The following SYT10 variants were observed in gnomAD, a reference collection of about 807,000 sequenced individuals.
The protein encoded by SYT10 is synaptotagmin 10, also known as synaptotagmin-10.
SYT10 carries 31 observed loss-of-function variants against 51.1 expected under a neutral mutation model. That is an observed-to-expected ratio of 0.61 (90% confidence interval 0.46 to 0.82). SYT10 has a LOEUF of 0.82. SYT10 is among the 40% of genes least tolerant of loss of function. SYT10 has a pLI of 0.00. For missense variants in SYT10, 603 were observed against 634.0 expected (o/e 0.95, Z 0.53); for synonymous variants, 233 against 225.9 (o/e 1.03, Z -0.28).
chr12:33,410,470 A>G (rs1300219851), intron 2 of SYT10, among the ~76,000 whole-genome samples: 2 of 152,228 alleles, frequency 1.3e-5, no homozygotes, highest in Non-Finnish European at 2.9e-5. Flanking sequence ...TGAGAGTATC[A>G]GTAGCTCTGC....
rs987066735 is a variant in SYT10 at position 33,374,350 on chromosome 12, A to G, written c.*2480T>C. Reference sequence around the variant, plus strand: ...TTCATAATGTGTCAGTACTGTCATTAAAATGTGATGTCCCACACAAATAAG... The same window carrying G: ...TTCATAATGTGTCAGTACTGTCATTGAAATGTGATGTCCCACACAAATAAG... On this transcript the variant is annotated 3_prime_UTR_variant, in exon 7 of 7. Transcript: ENST00000228567. The G allele has an allele frequency of 1.3e-5, 2 of 151,790 alleles. No individual in the cohort carries two copies. The highest frequency in any genetic ancestry group is 4.8e-5 in the African/African-American group (2 of 41,366). The allele number at this position is 151,790 out of a possible 1,614,324, so 9.4% of individuals were successfully genotyped here.
chr12:33,429,396 A>G (rs922179288), intron 1 of SYT10, among the ~76,000 whole-genome samples: 6 of 152,256 alleles, frequency 3.9e-5, no homozygotes, highest in Non-Finnish European at 5.9e-5. Flanking sequence ...GTTTGAAATA[A>G]GAACTATAGA....
In SYT10 at chr12:33,376,441, A is replaced by T. The variant is rs557217990; in HGVS notation, c.*389T>A. 1.1e-5 allele frequency: 2 copies of T among 178,094 alleles called. No homozygotes were observed. Among genetic ancestry groups the T allele is most frequent in the South Asian group, 1.4e-4 (1 of 7,082 alleles). 11.0% of individuals were successfully genotyped at this position (178,094 alleles called of 1,614,324 possible). ...CTGCACAACTAGAAATGAACACAGTATAACAAAATCAAACCCATACATATA... is the reference window on the plus strand; with the variant it reads ...CTGCACAACTAGAAATGAACACAGTTTAACAAAATCAAACCCATACATATA... On this transcript the variant is annotated 3_prime_UTR_variant, in exon 7 of 7. Coordinates refer to ENST00000228567, the MANE Select transcript of SYT10 (RefSeq NM_198992.4).
Position 33,430,204 on chromosome 12 carries a change from C to G in SYT10, c.152-3709G>C, listed in dbSNP as rs116032349. On this transcript the variant is annotated intron_variant, in intron 1 of 6. Transcript: ENST00000228567. Reference sequence around the variant, plus strand: ...ACTGTCTATATGTCTGTCGGTCTGTCTGACTATATATCTCTAACTAATTTT... The same window carrying G: ...ACTGTCTATATGTCTGTCGGTCTGTGTGACTATATATCTCTAACTAATTTT... 6.5e-3 allele frequency among the ~76,000 whole-genome samples: 996 copies of G among 152,318 alleles called. 10 individuals carry two copies. The highest frequency in any genetic ancestry group is 0.022 in the African/African-American group (917 of 41,562).
intron 6 of SYT10, among the ~76,000 whole-genome samples, chr12:33,379,589 C>T (rs1485890573): frequency 7.3e-5 from 7 of 95,784 alleles, no homozygotes; most frequent in Admixed American, 6.8e-4. Context: ...AAGAGACTTG[C>T]AAATGGCTTA....
At position 33,410,422 on chromosome 12, in the gene SYT10, C is replaced by G. The variant is rs77628470; in HGVS notation, c.510-3066G>C. Among the ~76,000 whole-genome samples, 150 of 152,304 alleles carry G rather than the reference C, an allele frequency of 9.8e-4. 1 individual carries two copies. Among genetic ancestry groups the G allele is most frequent in the Middle Eastern group, 3.4e-3 (1 of 294 alleles). On this transcript the variant is annotated intron_variant, in intron 2 of 6. Coordinates refer to ENST00000228567, the MANE Select transcript of SYT10 (RefSeq NM_198992.4). Reference sequence around the variant, plus strand: ...TAATTCAACCTCTCTCTATGGTCCCCTTTCATACAGATAAGGAAGACAAAC... The same window carrying G: ...TAATTCAACCTCTCTCTATGGTCCCGTTTCATACAGATAAGGAAGACAAAC...
chr12:33,438,287 G>A (rs1463455843), intron 1 of SYT10, among the ~76,000 whole-genome samples: 1 of 152,158 alleles, frequency 6.6e-6, no homozygotes, highest in African/African-American at 2.4e-5. Flanking sequence ...GACAGGAAAA[G>A]CAAAGGGAAA....
intron 2 of SYT10, among the ~76,000 whole-genome samples, chr12:33,409,575 G>A (rs1320789130): frequency 1.3e-5 from 2 of 151,276 alleles, no homozygotes; most frequent in African/African-American, 2.4e-5. Context: ...GTGCAGTGGC[G>A]TGATCTCGGC....
rs761260104 is a variant in SYT10 at position 33,426,302 on chromosome 12, T to C, written c.345A>G (p.Glu115=). The C allele has an allele frequency of 6.2e-7, 1 of 1,613,974 alleles. No individual in the cohort carries two copies. Among genetic ancestry groups the C allele is most frequent in the Non-Finnish European group, 8.5e-7 (1 of 1,180,024 alleles). Residue 115 remains glutamate, a synonymous_variant, in exon 2 of 7, where the codon GAA becomes GAG. Coordinates refer to ENST00000228567, the MANE Select transcript of SYT10 (RefSeq NM_198992.4). ...TEVFETEEKK[E]IKENEKPAVK... is the part of the protein sequence containing the mutation. ...CGGCTGGCTTTTCATTTTCCTTAAT[T>C]TCTTTTTTCTCTTCAGTCTCAAAAA... is the stretch of plus-strand genomic sequence containing the variant.
intron 3 of SYT10, chr12:33,405,726 G>A (rs1187410671): frequency 6.6e-6 from 1 of 151,702 alleles, no homozygotes; most frequent in Non-Finnish European, 1.5e-5. Flanking sequence ...ACAAAAGACA[G>A]TAAATATGTA....
At chr12:33,425,792 C>A (rs907594787) in intron 2 of SYT10, among the ~76,000 whole-genome samples, 2 of 152,108 alleles carry the variant, frequency 1.3e-5, no homozygotes, top group Non-Finnish European at 2.9e-5. Flanking sequence ...TGGAAGACTA[C>A]AAGTAGCAGC....
chr12:33,390,929 T>TG (rs1555114490), intron 3 of SYT10, among the ~76,000 whole-genome samples: 2 of 151,970 alleles, frequency 1.3e-5, no homozygotes, highest in African/African-American at 4.8e-5. Context: ...TACGTTTTTT[T>TG]TTGTTGTTGT....
chr12:33,401,164 C>G (rs981360112), intron 3 of SYT10, among the ~76,000 whole-genome samples: 1 of 152,188 alleles, frequency 6.6e-6, no homozygotes, highest in Non-Finnish European at 1.5e-5. Flanking sequence ...CATCCAGTTT[C>G]TACCATATAT....
At chr12:33,396,416 C>A (rs1866256285) in intron 3 of SYT10, among the ~76,000 whole-genome samples, 1 of 152,036 alleles carries the variant, frequency 6.6e-6, no homozygotes, top group East Asian at 1.9e-4. Context: ...AATTAATGGT[C>A]ACAAAGATCA....
chr12:33,438,604 C>T (rs990561791), intron 1 of SYT10, among the ~76,000 whole-genome samples: 1 of 152,136 alleles, frequency 6.6e-6, no homozygotes, highest in Non-Finnish European at 1.5e-5. Context: ...CAGCCCATTT[C>T]CTAGTTTCCT....
intron 2 of SYT10, among the ~76,000 whole-genome samples, chr12:33,416,375 G>A (rs759203169): frequency 3.9e-5 from 6 of 151,982 alleles, no homozygotes; most frequent in African/African-American, 4.8e-5. Flanking sequence ...GAGCCACCAC[G>A]CCCGGCCCAC....
intron 3 of SYT10, 108 bp from the exon 4 acceptor site, chr12:33,385,399 G>A (rs1175372354): frequency 2.9e-6 from 4 of 1,400,456 alleles, no homozygotes; most frequent in Non-Finnish European, 3.8e-6. Context: ...TTTTATTGAG[G>A]ATAATACAGA....
At position 33,439,776 on chromosome 12, in the gene SYT10, C is replaced by T. The variant is rs1237055253; in HGVS notation, c.-254G>A. On this transcript the variant is annotated 5_prime_UTR_variant, in exon 1 of 7. Coordinates refer to ENST00000228567, the MANE Select transcript of SYT10 (RefSeq NM_198992.4). ...GGTTTGCGCCAACTCTCCCGCCGCG[C>T]GAGCGAGCCGAGGCGCGCTGGAACT... 2 of 470,078 alleles carry T rather than the reference C, an allele frequency of 4.3e-6. No homozygotes were observed. The highest frequency in any genetic ancestry group is 7.5e-6 in the Non-Finnish European group (2 of 265,294). The allele number at this position is 470,078 out of a possible 1,614,324, so 29.1% of individuals were successfully genotyped here.
chr12:33,437,144 T>C lies in SYT10; in HGVS notation c.151+2228A>G, dbSNP rs143293622. On this transcript the variant is annotated intron_variant, in intron 1 of 6. Coordinates refer to ENST00000228567, the MANE Select transcript of SYT10 (RefSeq NM_198992.4). ...AAAGTATTTTACTTCTAACTGTTGC[T>C]TGGATTCGCAAATGAAAAACGTATA... Among the ~76,000 whole-genome samples the C allele has an allele frequency of 4.7e-3, 714 of 152,364 alleles. 5 individuals carry two copies. Among genetic ancestry groups the C allele is most frequent in the Non-Finnish European group, 7.8e-3 (529 of 68,032 alleles).
Sources: gnomAD v4.1 joint callset for allele counts (sites outside exome capture counted in the v4.1 genomes callset) on GRCh38, gnomAD v4.1.1 for gene constraint, MANE v1.5 for transcripts, NCBI Gene and HGNC (gene_info 2026-07-23, HGNC 2026-07-21) for gene names.